RECQL5: variants seen among roughly 807,000 people sequenced by gnomAD.
RECQL5 encodes the protein RecQ like helicase 5.
RECQL5 carries 88 observed loss-of-function variants against 103.4 expected under a neutral mutation model. The ratio of observed to expected loss-of-function variants is 0.85; its 90% CI spans 0.72 to 1.02. RECQL5 has a LOEUF of 1.02. Ranked by LOEUF, RECQL5 falls within the 50% of genes least tolerant of loss-of-function variation. RECQL5 has a pLI of 0.00. For missense variants in RECQL5, 1,232 were observed against 1,284.3 expected (o/e 0.96, Z 0.62); for synonymous variants, 552 against 507.9 (o/e 1.09, Z -1.17).
In RECQL5 at chr17:75,662,583, C is replaced by T. The variant is rs775466877; in HGVS notation, c.667G>A (p.Ala223Thr). The T allele has an allele frequency of 4.3e-6, 7 of 1,614,004 alleles. No homozygotes were observed. The highest frequency in any genetic ancestry group is 5.9e-6 in the Non-Finnish European group (7 of 1,180,046). ...VAIFKTPCFRANLFYDVQFKE... is the reference protein window; with the variant it reads ...VAIFKTPCFRTNLFYDVQFKE... Reference sequence around the variant, plus strand: ...AATTGCACATCATAGAAGAGGTTGGCCCGGAAGCAGGGAGTCTTGAAGATG... The same window carrying T: ...AATTGCACATCATAGAAGAGGTTGGTCCGGAAGCAGGGAGTCTTGAAGATG... The change falls in exon 4 of 20, where the codon GCC becomes ACC. Residue 223 changes from alanine to threonine, a missense_variant. Transcript: ENST00000317905.
At chr17:75,666,268 A>C (rs1037489226) in intron 2 of RECQL5, among the ~76,000 whole-genome samples, 160 bp downstream of exon 2, 1 of 152,008 alleles carries the variant, frequency 6.6e-6, no homozygotes, top group African/African-American at 2.4e-5. Context: ...TCTAATTAAA[A>C]CAAATAAACG....
In RECQL5 at chr17:75,631,557, C is replaced by T; in HGVS notation, c.1341G>A (p.Leu447=). Residue 447 remains leucine, a synonymous_variant, in exon 9 of 20, where the codon TTG becomes TTA. Coordinates refer to ENST00000317905, the MANE Select transcript of RECQL5 (RefSeq NM_004259.7). ...TCTTGCTCCAGCTGCTGCTGCGCTC[C>T]AAGGCCTCCAGCCGCCTCCGCACGG... is the stretch of plus-strand genomic sequence containing the variant. ...PTAVRRRLEA[L]ERSSSWSKTC... The T allele has an allele frequency of 6.2e-7, 1 of 1,613,046 alleles. No individual in the cohort carries two copies. Among genetic ancestry groups the T allele is most frequent in the Non-Finnish European group, 8.5e-7 (1 of 1,179,952 alleles).
intron 8 of RECQL5, among the ~76,000 whole-genome samples, chr17:75,642,627 G>A (rs895094107): frequency 1.3e-5 from 2 of 152,224 alleles, no homozygotes; most frequent in African/African-American, 4.8e-5. Context: ...GAATGATGAC[G>A]ATGATCATGA....
chr17:75,630,488 C>T, intron 13 of RECQL5, 131 bp downstream of exon 13: 6 of 1,048,808 alleles, frequency 5.7e-6, no homozygotes, highest in East Asian at 2.4e-5. Context: ...GTTGTAGGGG[C>T]AGTCCCCTGG....
chr17:75,658,847 T>C (rs2059662056), intron 6 of RECQL5, among the ~76,000 whole-genome samples: 1 of 152,208 alleles, frequency 6.6e-6, no homozygotes, highest in Non-Finnish European at 1.5e-5. Flanking sequence ...ATACCTCCTA[T>C]GTGCCAGTTT....
intron 8 of RECQL5, chr17:75,650,611 C>A (rs1372921780): frequency 6.2e-7 from 1 of 1,605,964 alleles, no homozygotes; most frequent in Admixed American, 1.7e-5. Flanking sequence ...AATGTAAAAA[C>A]TCCTCCTGGG....
intron 8 of RECQL5, chr17:75,650,590 T>C (rs753569740): frequency 6.3e-7 from 1 of 1,586,292 alleles, no homozygotes. Context: ...TCCAAGAGCT[T>C]TTTAGACCAA....
At chr17:75,633,658 G>A in intron 8 of RECQL5, 6 of 1,172,180 alleles carry the variant, frequency 5.1e-6, no homozygotes, top group East Asian at 1.4e-4. Flanking sequence ...GAGGCCAGAG[G>A]GAGGGACCAG....
At position 75,640,247 on chromosome 17, in the gene RECQL5, A is replaced by G; in HGVS notation, c.1230-8579T>C. ...GCAGGAGATGCGCGCCGTGGGCGAG[A>G]GGCTGCTGCTCAAGCTGCAGAGACT... On this transcript the variant is annotated intron_variant, in intron 8 of 19. Coordinates refer to ENST00000317905, the MANE Select transcript of RECQL5 (RefSeq NM_004259.7). This position sits in a 1 kb window ranked among gnomAD's most constrained non-coding sequence, Gnocchi z 4.6. 6.4e-7 allele frequency: 1 copy of G among 1,551,294 alleles called. No homozygotes were observed. The highest frequency in any genetic ancestry group is 8.7e-7 in the Non-Finnish European group (1 of 1,146,850).
Position 75,640,256 on chromosome 17 carries a change from C to T in RECQL5, c.1230-8588G>A. The T allele has an allele frequency of 1.9e-6, 3 of 1,551,490 alleles. No homozygotes were observed. The highest frequency in any genetic ancestry group is 2.4e-5 in the East Asian group (1 of 40,902). On this transcript the variant is annotated intron_variant, in intron 8 of 19. Coordinates refer to ENST00000317905, the MANE Select transcript of RECQL5 (RefSeq NM_004259.7). This position sits in a 1 kb window ranked among gnomAD's most constrained non-coding sequence, Gnocchi z 4.6. ...GCGCGCCGTGGGCGAGAGGCTGCTG[C>T]TCAAGCTGCAGAGACTGCCCCAGGC...
chr17:75,637,357 G>C (rs192176364), intron 8 of RECQL5: 1 of 152,476 alleles, frequency 6.6e-6, no homozygotes, highest in East Asian at 1.9e-4. Flanking sequence ...AGTGTAGACA[G>C]AGAGGGAGGG....
intron 19 of RECQL5, 23 bp from the exon 20 acceptor site, chr17:75,627,545 TGAG>T: frequency 1.2e-6 from 2 of 1,611,874 alleles, no homozygotes; most frequent in Admixed American, 1.7e-5. Flanking sequence ...GGTGGGGGCA[TGAG>T]GAGGTGAGCG....
chr17:75,643,061 A>G (rs1425751187), intron 8 of RECQL5, among the ~76,000 whole-genome samples: 1 of 152,242 alleles, frequency 6.6e-6, no homozygotes, highest in African/African-American at 2.4e-5. Flanking sequence ...CCCAACAGGT[A>G]AGAGCTGGGG....
intron 8 of RECQL5, chr17:75,635,723 G>A: frequency 1.1e-6 from 1 of 908,988 alleles, no homozygotes; most frequent in Non-Finnish European, 1.3e-6. Context: ...TGCCCAACAG[G>A]GCAAGGGTGA....
rs2059172251 is a variant in RECQL5 at position 75,629,808 on chromosome 17, T to G, written c.1847A>C (p.Gln616Pro). The change falls in exon 15 of 20, where the codon CAG becomes CCG. Residue 616 changes from glutamine (Q) to proline (P), a missense_variant. Physicochemically the swap from Gln to Pro is moderately conservative, Grantham distance 76 (BLOSUM62 -1). Coordinates refer to ENST00000317905, the MANE Select transcript of RECQL5 (RefSeq NM_004259.7). ...GGCACTGCCTCCCATGTCATAGGGC[T>G]GCCCATCCTTGGAGGCTCTGTGGAT... The part of the protein sequence containing the change: ...ADIHRASKDG[Q>P]PYDMGGSAKS... 6.2e-7 allele frequency: 1 copy of G among 1,613,076 alleles called. No individual in the cohort carries two copies.
chr17:75,631,587 G>A lies in RECQL5; in HGVS notation c.1311C>T (p.Pro437=). ...CAKGCDHCQN[P]TAVRRRLEAL... ...CCTCCAGCCGCCTCCGCACGGCCGT[G>A]GGGTTCTGGCAGTGGTCGCAGCCTT... The change falls in exon 9 of 20, where the codon CCC becomes CCT. Residue 437 remains proline, a synonymous_variant. Transcript: ENST00000317905. 1 of 1,613,024 alleles carries A rather than the reference G, an allele frequency of 6.2e-7. No homozygotes were observed. Among genetic ancestry groups the A allele is most frequent in the Non-Finnish European group, 8.5e-7 (1 of 1,179,910 alleles).
In RECQL5 at chr17:75,631,647, G is replaced by A; in HGVS notation, c.1251C>T (p.Ala417=). The change falls in exon 9 of 20, where the codon GCC becomes GCT. Residue 417 remains alanine (A), a synonymous_variant. Coordinates refer to ENST00000317905, the MANE Select transcript of RECQL5 (RefSeq NM_004259.7). ...EELGCRHAAI[A]KYFGDALPAC... ...CAGGCAGCGCATCCCCGAAGTACTT[G>A]GCAATGGCGGCATGGCGGCACCTGG... 1 of 1,611,400 alleles carries A rather than the reference G, an allele frequency of 6.2e-7. No individual in the cohort carries two copies. Among genetic ancestry groups the A allele is most frequent in the Non-Finnish European group, 8.5e-7 (1 of 1,179,726 alleles).
In RECQL5 at chr17:75,627,255, C is replaced by A; in HGVS notation, c.*167G>T. 1.4e-6 allele frequency: 1 copy of A among 695,870 alleles called. No homozygotes were observed. The highest frequency in any genetic ancestry group is 2.6e-6 in the Non-Finnish European group (1 of 384,124). 43.1% of individuals were successfully genotyped at this position (695,870 alleles called of 1,614,324 possible). On this transcript the variant is annotated 3_prime_UTR_variant, in exon 20 of 20. Coordinates refer to ENST00000317905, the MANE Select transcript of RECQL5 (RefSeq NM_004259.7). ...CAAGCAGAAAGAAAGGTGGGCTGAC[C>A]TCTGACCTGGATTCAGGGGGTGTCT...
In RECQL5 at chr17:75,636,053, C is replaced by T. The variant is rs551726435; in HGVS notation, c.1230-4385G>A. On this transcript the variant is annotated intron_variant, in intron 8 of 19. Coordinates refer to ENST00000317905, the MANE Select transcript of RECQL5 (RefSeq NM_004259.7). This position sits in a 1 kb window ranked among gnomAD's most constrained non-coding sequence, Gnocchi z 5.4. ...AGTGTTTCCCCTGTGCTGACCGCTA[C>T]TGCAGCCAGGGCACACCCTCTGAAG... Among the ~76,000 whole-genome samples the T allele has an allele frequency of 7.9e-4, 120 of 152,366 alleles. No individual in the cohort carries two copies. Among genetic ancestry groups the T allele is most frequent in the Non-Finnish European group, 1.3e-3 (87 of 68,034 alleles).
Sources: allele counts gnomAD v4.1 joint callset (sites outside exome capture counted in the v4.1 genomes callset), GRCh38; gene constraint gnomAD v4.1.1; non-coding constraint Gnocchi (gnomAD v3.1); transcripts MANE v1.5; gene names NCBI Gene and HGNC (gene_info 2026-07-23, HGNC 2026-07-21).